The following RCOR1 variants were observed in gnomAD, a reference collection of about 807,000 sequenced individuals.
RCOR1 encodes the protein REST corepressor 1, also known as REST corepressor.
RCOR1 carries 12 observed loss-of-function variants against 64.0 expected under a neutral mutation model. The ratio of observed to expected loss-of-function variants is 0.19; its 90% CI spans 0.12 to 0.30. The LOEUF (loss-of-function observed/expected upper bound fraction) is 0.30. Among genes scored for constraint, RCOR1 ranks in the 10% least tolerant of loss-of-function variants. RCOR1 has a pLI of 1.00. For missense variants in RCOR1, 502 were observed against 621.2 expected (o/e 0.81, Z 2.04); for synonymous variants, 279 against 227.2 (o/e 1.23, Z -2.05).
chr14:102,603,948 T>C (rs1159398574), intron 2 of RCOR1, among the ~76,000 whole-genome samples: 2 of 151,822 alleles, frequency 1.3e-5, no homozygotes, highest in African/African-American at 4.8e-5. Context: ...GAATTGCACA[T>C]ATGTTTTTTG....
intron 2 of RCOR1, among the ~76,000 whole-genome samples, chr14:102,620,226 C>T (rs1287318994): frequency 1.3e-5 from 2 of 149,780 alleles, no homozygotes; most frequent in South Asian, 2.1e-4. Flanking sequence ...ACCCCGTCAC[C>T]ACACACTTAT....
intron 2 of RCOR1, chr14:102,656,290 C>T (rs547298140): frequency 1.1e-4 from 19 of 176,558 alleles, no homozygotes; most frequent in Non-Finnish European, 1.8e-4. Flanking sequence ...TAGGCATGTG[C>T]CACCACACTC....
At chr14:102,653,966 TCTTTCTTTC>T (rs1567423391) in intron 2 of RCOR1, among the ~76,000 whole-genome samples, 10 of 56,672 alleles carry the variant, frequency 1.8e-4, no homozygotes, top group African/African-American at 5.0e-4. Context: ...TTTCTTTCTT[TCTTTCTTTC>T]TTTCTTTCTT....
In RCOR1 at chr14:102,600,235, C is replaced by A. The variant is rs1020700103; in HGVS notation, c.361+6910C>A. On this transcript the variant is annotated intron_variant, in intron 2 of 11. Coordinates refer to ENST00000262241, the MANE Select transcript of RCOR1 (RefSeq NM_015156.4). ...TCTGAGTAGCTGGGATTACAGGCGC[C>A]CACCACCACGCCCGGCTAATTTTTT... 2.6e-5 allele frequency among the ~76,000 whole-genome samples: 4 copies of A among 151,288 alleles called. No individual in the cohort carries two copies. In the East Asian group the frequency reaches 7.9e-4, roughly 30 times the overall value.
chr14:102,637,217 C>T (rs1419155196), intron 2 of RCOR1, among the ~76,000 whole-genome samples: 1 of 150,912 alleles, frequency 6.6e-6, no homozygotes, highest in African/African-American at 2.4e-5. Context: ...ACCTCCGCCT[C>T]CTGTGTTCAA....
chr14:102,723,598 T>C (rs1368255623), intron 11 of RCOR1, among the ~76,000 whole-genome samples: 1 of 152,242 alleles, frequency 6.6e-6, no homozygotes, highest in Non-Finnish European at 1.5e-5. Context: ...GAAAAGAGCA[T>C]GTGAATTAAA....
intron 2 of RCOR1, among the ~76,000 whole-genome samples, chr14:102,647,447 G>A (rs1047701037): frequency 6.6e-6 from 1 of 152,050 alleles, no homozygotes. Flanking sequence ...CTCCCAAGTA[G>A]CTGGGGTTAC....
chr14:102,615,637 A>G (rs996248052), intron 2 of RCOR1, among the ~76,000 whole-genome samples: 3 of 151,862 alleles, frequency 2.0e-5, no homozygotes, highest in Non-Finnish European at 4.4e-5. Flanking sequence ...TAGTAGAGAC[A>G]GGGTTTCTCC....
rs543021115 is a variant in RCOR1 at position 102,670,833 on chromosome 14, G to T, written c.362-11062G>T. On this transcript the variant is annotated intron_variant, in intron 2 of 11. Coordinates refer to ENST00000262241, the MANE Select transcript of RCOR1 (RefSeq NM_015156.4). The stretch of plus-strand genomic sequence containing the variant: ...TTGTCGCCCAGGCTGGAGTGCAGCG[G>T]TGTTGTCTCAGTTCACTGCAACCTC... 4.5e-3 allele frequency among the ~76,000 whole-genome samples: 686 copies of T among 151,928 alleles called. 3 individuals are homozygous for T. Among genetic ancestry groups the T allele is most frequent in the Non-Finnish European group, 6.8e-3 (462 of 67,974 alleles).
chr14:102,593,761 C>T (rs1893185235), intron 2 of RCOR1, among the ~76,000 whole-genome samples: 1 of 152,192 alleles, frequency 6.6e-6, no homozygotes, highest in African/African-American at 2.4e-5. Context: ...AAAGGCTGCT[C>T]CCCACGCCTT....
At chr14:102,708,353 G>T in intron 5 of RCOR1, 112 bp from the exon 6 acceptor site, 1 of 661,622 alleles carries the variant, frequency 1.5e-6, no homozygotes. Flanking sequence ...GCCTGCCTTA[G>T]CCACCCAAAG....
In RCOR1 at chr14:102,619,681, A is replaced by T. The variant is rs570514776; in HGVS notation, c.361+26356A>T. Among the ~76,000 whole-genome samples, 86 of 151,964 alleles carry T rather than the reference A, an allele frequency of 5.7e-4. 1 individual carries two copies. Among genetic ancestry groups the T allele is most frequent in the African/African-American group, 2.0e-3 (81 of 41,440 alleles). ...TTTTTGGTAGAGATGGGGTTTCACT[A>T]TGTTGGCCAGGCTGATCTCAAACTC... On this transcript the variant is annotated intron_variant, in intron 2 of 11. Coordinates refer to ENST00000262241, the MANE Select transcript of RCOR1 (RefSeq NM_015156.4).
At chr14:102,678,673 G>C (rs1441882994) in intron 2 of RCOR1, among the ~76,000 whole-genome samples, 1 of 152,128 alleles carries the variant, frequency 6.6e-6, no homozygotes, top group African/African-American at 2.4e-5. Context: ...CAGTCATTTG[G>C]TAAATATAAT....
intron 2 of RCOR1, among the ~76,000 whole-genome samples, chr14:102,673,874 C>T (rs1413902885): frequency 6.6e-6 from 1 of 152,230 alleles, no homozygotes. Context: ...CGCCGCCTCG[C>T]CAAGTGCTGG....
At chr14:102,696,155 T>A (rs879780989) in intron 3 of RCOR1, among the ~76,000 whole-genome samples, 3 of 152,130 alleles carry the variant, frequency 2.0e-5, no homozygotes, top group Non-Finnish European at 4.4e-5. Context: ...TGTTATTTCG[T>A]GTGTTTGTTC....
At chr14:102,706,681 G>A (rs949530703) in intron 4 of RCOR1, among the ~76,000 whole-genome samples, 2 of 152,092 alleles carry the variant, frequency 1.3e-5, no homozygotes, top group Non-Finnish European at 2.9e-5. Flanking sequence ...CAAGAAATTA[G>A]CCGGGTGTGG....
intron 2 of RCOR1, among the ~76,000 whole-genome samples, chr14:102,676,627 G>T (rs1339515687): frequency 3.4e-5 from 2 of 58,312 alleles, no homozygotes; most frequent in African/African-American, 7.7e-5. Flanking sequence ...CTGGCCAGGT[G>T]GGGGGCTGAT....
chr14:102,726,097 G>A (rs1896255056), intron 11 of RCOR1, among the ~76,000 whole-genome samples: 1 of 152,034 alleles, frequency 6.6e-6, no homozygotes, highest in African/African-American at 2.4e-5. Context: ...GGGAGGCCGA[G>A]GCAGGCAGAT....
intron 2 of RCOR1, among the ~76,000 whole-genome samples, chr14:102,664,333 T>A (rs899638777): frequency 1.3e-5 from 2 of 152,142 alleles, no homozygotes; most frequent in Non-Finnish European, 2.9e-5. Context: ...CAGGCTGTTC[T>A]TGAAATCTTG....
Sources: gnomAD v4.1 joint callset for allele counts (sites outside exome capture counted in the v4.1 genomes callset) on GRCh38, gnomAD v4.1.1 for gene constraint, MANE v1.5 for transcripts, NCBI Gene and HGNC (gene_info 2026-07-23, HGNC 2026-07-21) for gene names.